The following NEURL1 variants were observed in gnomAD, a reference collection of about 807,000 sequenced individuals.
The protein encoded by NEURL1 is neuralized E3 ubiquitin protein ligase 1, also known as E3 ubiquitin-protein ligase NEURL1.
NEURL1 carries 26 observed loss-of-function variants against 41.2 expected under a neutral mutation model. The observed-to-expected ratio is 0.63, with a 90% CI of 0.46 to 0.87. The LOEUF (loss-of-function observed/expected upper bound fraction) is 0.87. Among genes scored for constraint, NEURL1 ranks in the 40% least tolerant of loss-of-function variants. The pLI, the probability that NEURL1 is intolerant of heterozygous loss-of-function variation, is 0.00. For synonymous variants in NEURL1, 400 were observed against 402.3 expected, an observed-to-expected ratio of 0.99 and a Z score of 0.07; for missense variants, 761 against 871.1, an observed-to-expected ratio of 0.87 and a Z score of 1.59.
chr10:103,499,153 C>T (rs996673071), intron 1 of NEURL1, among the ~76,000 whole-genome samples: 3 of 152,336 alleles, frequency 2.0e-5, no homozygotes, highest in Middle Eastern at 3.4e-3. Flanking sequence ...CCCCCTCCAG[C>T]TCTGGCTGGG....
In NEURL1 at chr10:103,585,045, T is replaced by G; in HGVS notation, c.1159T>G (p.Cys387Gly). ...GGACCGCAAGGAATTCTGGGCCGTG[T>G]GCCGCGTGCCCGGGCCCCTGCACAG... ...LVDRKEFWAVCRVPGPLHSGD... is the reference protein window; with the variant it reads ...LVDRKEFWAVGRVPGPLHSGD... Residue 387 changes from cysteine (C) to glycine (G), a missense_variant, in exon 4 of 6, where the codon TGC becomes GGC. Cys to Gly is a radical substitution (Grantham distance 159). Around this residue, in one of 5 missense-constraint regions of NEURL1, gnomAD observed 443 missense variants for 408.1 expected, o/e 1.09. Coordinates refer to ENST00000369780, the MANE Select transcript of NEURL1 (RefSeq NM_004210.5). 7 of 1,588,936 alleles carry G rather than the reference T, an allele frequency of 4.4e-6. No individual in the cohort carries two copies. The highest frequency in any genetic ancestry group is 6.0e-6 in the Non-Finnish European group (7 of 1,175,686).
rs1441907971 is a variant in NEURL1, at chr10:103,584,872, G to C, written c.986G>C (p.Ser329Thr). The C allele has an allele frequency of 2.2e-6, 3 of 1,354,758 alleles. No individual in the cohort carries two copies. Among genetic ancestry groups the C allele is most frequent in the Non-Finnish European group, 2.8e-6 (3 of 1,057,090 alleles). The allele number at this position is 1,354,758 out of a possible 1,614,324, so 83.9% of individuals were successfully genotyped here. ...GRDERALVFT[S>T]RPVRVAETIF... ...GACGAGCGCGCGCTCGTCTTCACCA[G>C]CCGGCCCGTGCGCGTGGCCGAGACC... The change falls in exon 4 of 6, where the codon AGC becomes ACC. Residue 329 changes from serine (S) to threonine (T), a missense_variant. Physicochemically the swap from Ser to Thr is moderately conservative, Grantham distance 58. This residue lies in a region of NEURL1 where 443 missense variants were observed against 408.1 expected (regional missense o/e 1.09). Coordinates refer to ENST00000369780, the MANE Select transcript of NEURL1 (RefSeq NM_004210.5).
rs748393642 is a variant in NEURL1, at chr10:103,570,975, G to A, written c.189G>A (p.Leu63=). ...GCGGGGGGCTCCCAGCCACGCCGCT[G>A]CTCTTCCACCCGCACACCAAGGGCT... ...LPSGGLPATP[L]LFHPHTKGSQ... is the part of the protein sequence containing the mutation. The change falls in exon 2 of 6, where the codon CTG becomes CTA. Residue 63 remains leucine (L), a synonymous_variant. Transcript: ENST00000369780. 1 of 1,613,980 alleles carries A rather than the reference G, an allele frequency of 6.2e-7. No individual in the cohort carries two copies.
Position 103,531,604 on chromosome 10 carries a change from C to G in NEURL1, c.85+37132C>G, listed in dbSNP as rs960038992. 1.3e-5 allele frequency among the ~76,000 whole-genome samples: 2 copies of G among 151,996 alleles called. 1 individual carries two copies. Among genetic ancestry groups the G allele is most frequent in the Admixed American group, 1.3e-4 (2 of 15,256 alleles). ...GTGAAGTGCAGTAGCATGGTCATAG[C>G]TCACTGCATCCTCAAACTCCTTGGG... On this transcript the variant is annotated intron_variant, in intron 1 of 5. Transcript: ENST00000369780.
At position 103,584,790 on chromosome 10, in the gene NEURL1, G is replaced by A; in HGVS notation, c.904G>A (p.Gly302Ser). The A allele has an allele frequency of 2.1e-6, 3 of 1,435,060 alleles. No homozygotes were observed. The highest frequency in any genetic ancestry group is 2.8e-5 in the Admixed American group (1 of 35,154). 88.9% of individuals were successfully genotyped at this position (1,435,060 alleles called of 1,614,324 possible). Residue 302 changes from glycine (G) to serine (S), a missense_variant, in exon 4 of 6, where the codon GGC (glycine) becomes AGC (serine). Gly to Ser is a moderately conservative substitution (Grantham distance 56). Coordinates refer to ENST00000369780, the MANE Select transcript of NEURL1 (RefSeq NM_004210.5). ...GDLRFHALRAGAHVRILDEQT... is the reference protein window; with the variant it reads ...GDLRFHALRASAHVRILDEQT... ...CCTGCGTTTCCACGCCCTGCGCGCC[G>A]GCGCGCACGTCCGCATCCTCGACGA...
At chr10:103,537,281 T>G (rs780073252) in intron 1 of NEURL1, among the ~76,000 whole-genome samples, 40 of 152,394 alleles carry the variant, frequency 2.6e-4, no homozygotes, top group Admixed American at 6.5e-4. Flanking sequence ...CTTTTGGGTA[T>G]GCACCCAGAG....
intron 1 of NEURL1, among the ~76,000 whole-genome samples, chr10:103,498,029 G>T (rs7071247): frequency 0.19 from 28,550 of 152,008 alleles, 3,020 homozygotes; most frequent in South Asian, 0.33. Context: ...GGCTTGGAGG[G>T]GCTTGAGCGT....
chr10:103,551,970 A>G (rs2035041196), intron 1 of NEURL1, among the ~76,000 whole-genome samples: 1 of 152,108 alleles, frequency 6.6e-6, no homozygotes, highest in African/African-American at 2.4e-5. Flanking sequence ...CTGCTTGCTT[A>G]CCACTTGGCT....
chr10:103,572,557 A>G (rs887660600), intron 3 of NEURL1, among the ~76,000 whole-genome samples: 1 of 152,226 alleles, frequency 6.6e-6, no homozygotes, highest in Non-Finnish European at 1.5e-5. Flanking sequence ...CTCAGGGGCC[A>G]GGCTTCCCTG....
At chr10:103,534,618 G>C (rs535486801) in intron 1 of NEURL1, among the ~76,000 whole-genome samples, 1 of 152,262 alleles carries the variant, frequency 6.6e-6, no homozygotes, top group East Asian at 1.9e-4. Flanking sequence ...CAGTGTTGAG[G>C]GCTCTTGAGG....
At chr10:103,579,673 G>A (rs2035744514) in intron 3 of NEURL1, among the ~76,000 whole-genome samples, 1 of 152,206 alleles carries the variant, frequency 6.6e-6, no homozygotes, top group African/African-American at 2.4e-5. Context: ...CAGGCATGGT[G>A]GCTCACACCT....
intron 1 of NEURL1, among the ~76,000 whole-genome samples, chr10:103,532,970 A>G (rs1592201819): frequency 8.6e-6 from 1 of 116,848 alleles, no homozygotes; most frequent in African/African-American, 3.4e-5. Context: ...TCTGTCACCT[A>G]GGCTGGAGTG....
chr10:103,512,851 G>C (rs1306993294), intron 1 of NEURL1, among the ~76,000 whole-genome samples: 1 of 152,112 alleles, frequency 6.6e-6, no homozygotes, highest in Non-Finnish European at 1.5e-5. Flanking sequence ...ACAAGGTGCT[G>C]TGTTGTCCAG....
intron 3 of NEURL1, among the ~76,000 whole-genome samples, chr10:103,578,573 C>T (rs2035715870): frequency 6.6e-6 from 1 of 152,172 alleles, no homozygotes; most frequent in Non-Finnish European, 1.5e-5. Flanking sequence ...CAAAAGGATT[C>T]CACTGCTTTT....
chr10:103,574,856 C>G lies in NEURL1; in HGVS notation c.649+3034C>G, dbSNP rs369936058. Among the ~76,000 whole-genome samples the G allele has an allele frequency of 2.1e-4, 32 of 152,282 alleles. No homozygotes were observed. In the East Asian group the frequency reaches 5.6e-3, roughly 27 times the overall value. On this transcript the variant is annotated intron_variant, in intron 3 of 5. Coordinates refer to ENST00000369780, the MANE Select transcript of NEURL1 (RefSeq NM_004210.5). Reference sequence around the variant, plus strand: ...TCCTGACAGGCTCCTCTCTGCACACCCGATAAGGCTAAGGCCCCAGCGGAT... The same window carrying G: ...TCCTGACAGGCTCCTCTCTGCACACGCGATAAGGCTAAGGCCCCAGCGGAT...
At chr10:103,552,443 CTA>C (rs1406991781) in intron 1 of NEURL1, among the ~76,000 whole-genome samples, 1 of 152,178 alleles carries the variant, frequency 6.6e-6, no homozygotes, top group East Asian at 1.9e-4. Context: ...GGGCCTTTGC[CTA>C]TGTTGTACTC....
chr10:103,498,804 T>G (rs1002645165), intron 1 of NEURL1, among the ~76,000 whole-genome samples: 34 of 152,374 alleles, frequency 2.2e-4, no homozygotes, highest in South Asian at 1.0e-3. Context: ...ATTTGTCCTT[T>G]TGTGTCAAGC....
At chr10:103,513,645 C>T (rs781394843) in intron 1 of NEURL1, among the ~76,000 whole-genome samples, 2 of 152,176 alleles carry the variant, frequency 1.3e-5, no homozygotes, top group African/African-American at 2.4e-5. Flanking sequence ...CAGGGACCTA[C>T]CCAGACTCAC....
intron 1 of NEURL1, among the ~76,000 whole-genome samples, chr10:103,537,171 T>C (rs890309067): frequency 6.6e-6 from 1 of 152,250 alleles, no homozygotes; most frequent in African/African-American, 2.4e-5. Context: ...CATCAGTCAA[T>C]GAACACTTGG....
Sources: allele counts gnomAD v4.1 joint callset (sites outside exome capture counted in the v4.1 genomes callset), GRCh38; gene constraint gnomAD v4.1.1; regional missense constraint gnomAD v4.1.1; transcripts MANE v1.5; gene names NCBI Gene and HGNC (gene_info 2026-07-23, HGNC 2026-07-21).